Variants in AFF3 observed in about 807,000 individuals in gnomAD.
The protein encoded by AFF3 is AF4/FMR2 family member 3.
In AFF3, 32 loss-of-function variants were observed where a neutral mutation model predicts 129.7. The ratio of observed to expected loss-of-function variants is 0.25; its 90% CI spans 0.19 to 0.33. The LOEUF is 0.33. Ranked by LOEUF, AFF3 falls within the 10% of genes least tolerant of loss-of-function variation. The pLI is 1.00. For missense variants in AFF3, 1,373 were observed against 1,592.0 expected (o/e 0.86, Z 2.34); for synonymous variants, 644 against 635.4 (o/e 1.01, Z -0.20).
chr2:99,882,088 T>C (rs1012372019), intron 7 of AFF3, among the ~76,000 whole-genome samples: 2 of 151,850 alleles, frequency 1.3e-5, no homozygotes, highest in Admixed American at 6.6e-5. Flanking sequence ...TCTCTCTCTC[T>C]CCCCCTCACT....
chr2:100,078,757 T>C (rs1248576011), intron 4 of AFF3, among the ~76,000 whole-genome samples: 1 of 152,160 alleles, frequency 6.6e-6, no homozygotes, highest in East Asian at 1.9e-4. Context: ...CCTAGGATGC[T>C]AAACTCCCTG....
At chr2:99,981,846 C>A (rs1283020288) in intron 7 of AFF3, among the ~76,000 whole-genome samples, 1 of 152,218 alleles carries the variant, frequency 6.6e-6, no homozygotes, top group East Asian at 1.9e-4. Context: ...GTATTTCTCA[C>A]ATGAGCTTCA....
At chr2:100,009,894 A>C (rs1307171693) in intron 4 of AFF3, among the ~76,000 whole-genome samples, 2 of 152,200 alleles carry the variant, frequency 1.3e-5, no homozygotes, top group African/African-American at 2.4e-5. Context: ...CAGATCCCTT[A>C]AGATGAGCTC....
intron 7 of AFF3, among the ~76,000 whole-genome samples, chr2:99,844,264 C>A (rs1689547039): frequency 6.6e-6 from 1 of 151,910 alleles, no homozygotes. Context: ...AACATAAAAT[C>A]TACCATTTTA....
chr2:100,119,702 G>A (rs1208912538), intron 2 of AFF3, among the ~76,000 whole-genome samples: 1 of 151,778 alleles, frequency 6.6e-6, no homozygotes, highest in Non-Finnish European at 1.5e-5. Context: ...CCATTTTACA[G>A]GGAAGAAAGT....
intron 4 of AFF3, among the ~76,000 whole-genome samples, chr2:100,021,986 C>T (rs983637503): frequency 2.6e-5 from 4 of 152,236 alleles, no homozygotes; most frequent in African/African-American, 4.8e-5. Flanking sequence ...ACAAGTACTG[C>T]GGAGGACATT....
At chr2:99,947,919 G>C (rs1266205158) in intron 7 of AFF3, among the ~76,000 whole-genome samples, 1 of 152,150 alleles carries the variant, frequency 6.6e-6, no homozygotes, top group Non-Finnish European at 1.5e-5. Context: ...GGGTTGAAGG[G>C]ATGAATCAGA....
intron 8 of AFF3, among the ~76,000 whole-genome samples, chr2:99,803,000 T>C (rs548252250): frequency 1.3e-5 from 2 of 152,164 alleles, no homozygotes; most frequent in Non-Finnish European, 2.9e-5. Context: ...CTATCCTGAA[T>C]AGAAGTGGTG....
chr2:99,832,160 G>A (rs988122208), intron 8 of AFF3, among the ~76,000 whole-genome samples: 2 of 152,242 alleles, frequency 1.3e-5, no homozygotes, highest in African/African-American at 4.8e-5. Context: ...GCTTTTTACT[G>A]TTAGGGCAGA....
intron 9 of AFF3, among the ~76,000 whole-genome samples, chr2:99,749,047 T>G (rs776801390): frequency 6.6e-6 from 1 of 152,226 alleles, no homozygotes; most frequent in Non-Finnish European, 1.5e-5. Flanking sequence ...CACATATGTG[T>G]GTGTATGAAT....
intron 7 of AFF3, among the ~76,000 whole-genome samples, chr2:99,891,076 G>C (rs764862962): frequency 4.6e-5 from 7 of 152,200 alleles, no homozygotes; most frequent in Non-Finnish European, 8.8e-5. Flanking sequence ...GGGAGGTAGA[G>C]GGAGCCAGGG....
In AFF3 at chr2:99,812,459, GAGATA is replaced by G. The variant is rs369743362; in HGVS notation, c.921+25013_921+25017del. Reference sequence around the variant, plus strand: ...GCAGTACCTGATGCAGCAGCCTCTGGAGATAAGACTTTCCCCAGAATCCCCAAATT... The same window carrying G: ...GCAGTACCTGATGCAGCAGCCTCTGGAGACTTTCCCCAGAATCCCCAAATT... On this transcript the variant is annotated intron_variant, in intron 8 of 24. Coordinates refer to ENST00000672756, the MANE Select transcript of AFF3 (RefSeq NM_001386135.1). Among the ~76,000 whole-genome samples the G allele has an allele frequency of 2.5e-3, 377 of 152,286 alleles. 1 individual carries two copies. The highest frequency in any genetic ancestry group is 8.7e-3 in the African/African-American group (361 of 41,572).
chr2:99,638,235 TTTTTAGTAGAGATGAAG>T (rs1427505153), intron 13 of AFF3, among the ~76,000 whole-genome samples: 1 of 152,056 alleles, frequency 6.6e-6, no homozygotes, highest in Non-Finnish European at 1.5e-5. Context: ...AATTTTTGTA[TTTTTAGTAGAGATGAAG>T]TTTTACCATG....
At chr2:99,660,343 C>T (rs1439333838) in intron 12 of AFF3, among the ~76,000 whole-genome samples, 1 of 152,138 alleles carries the variant, frequency 6.6e-6, no homozygotes, top group African/African-American at 2.4e-5. Flanking sequence ...CTAAGTCTGG[C>T]TTTATGTTTC....
At chr2:99,800,274 A>G (rs993272867) in intron 8 of AFF3, among the ~76,000 whole-genome samples, 1 of 152,220 alleles carries the variant, frequency 6.6e-6, no homozygotes, top group African/African-American at 2.4e-5. Context: ...TTTTGAACAC[A>G]TCACCACAGA....
chr2:99,863,590 G>T (rs1233320502), intron 7 of AFF3, among the ~76,000 whole-genome samples: 1 of 152,184 alleles, frequency 6.6e-6, no homozygotes, highest in Non-Finnish European at 1.5e-5. Context: ...CAAAAAATCA[G>T]CTGTTGATGT....
rs755822141 is a variant in AFF3 at position 99,908,090 on chromosome 2, G to C, written c.874-70566C>G. ...TATTTCATAAATTTTAATCTGTTTTGGCTATGTCACCTCCTGCCTATTGGT... is the reference window on the plus strand; with the variant it reads ...TATTTCATAAATTTTAATCTGTTTTCGCTATGTCACCTCCTGCCTATTGGT... On this transcript the variant is annotated intron_variant, in intron 7 of 24. Transcript: ENST00000672756. Among the ~76,000 whole-genome samples, 161 of 152,186 alleles carry C rather than the reference G, an allele frequency of 1.1e-3. 1 individual carries two copies. Among genetic ancestry groups the C allele is most frequent in the Non-Finnish European group, 1.0e-3 (68 of 68,010 alleles).
chr2:99,583,532 A>C (rs1490169156), intron 16 of AFF3, among the ~76,000 whole-genome samples: 1 of 152,024 alleles, frequency 6.6e-6, no homozygotes, highest in Non-Finnish European at 1.5e-5. Context: ...ACAGGTATGC[A>C]TCACCACACC....
At chr2:99,850,418 G>A (rs1397603534) in intron 7 of AFF3, among the ~76,000 whole-genome samples, 1 of 152,184 alleles carries the variant, frequency 6.6e-6, no homozygotes, top group African/African-American at 2.4e-5. Flanking sequence ...GATGCCTCGT[G>A]TTTTTAAAGG....
Sources: gnomAD v4.1 joint callset for allele counts (sites outside exome capture counted in the v4.1 genomes callset) on GRCh38, gnomAD v4.1.1 for gene constraint, MANE v1.5 for transcripts, NCBI Gene and HGNC (gene_info 2026-07-23, HGNC 2026-07-21) for gene names.